STX18: variants seen among roughly 807,000 people sequenced by gnomAD.
The protein encoded by STX18 is syntaxin 18.
Under a neutral mutation model 50.1 loss-of-function variants are expected in STX18, and 40 were observed. The observed-to-expected ratio is 0.80, with a 90% CI of 0.62 to 1.04. The LOEUF (loss-of-function observed/expected upper bound fraction) is 1.04. Ranked by LOEUF, STX18 falls within the 50% of genes least tolerant of loss-of-function variation. The pLI is 0.00. For missense variants in STX18, 410 were observed against 415.8 expected, an observed-to-expected ratio of 0.99 and a Z score of 0.12; for synonymous variants, 158 against 151.8, an observed-to-expected ratio of 1.04 and a Z score of -0.30.
At chr4:4,446,145 C>G (rs755726224) in intron 5 of STX18, among the ~76,000 whole-genome samples, 9 of 132,246 alleles carry the variant, frequency 6.8e-5, no homozygotes, top group Non-Finnish European at 1.4e-4. Context: ...TAAACCTCAA[C>G]CCCAGTTATT....
intron 1 of STX18, among the ~76,000 whole-genome samples, chr4:4,500,502 C>A (rs1045136264): frequency 6.6e-6 from 1 of 152,134 alleles, no homozygotes; most frequent in Non-Finnish European, 1.5e-5. Flanking sequence ...AGGTTATACA[C>A]AAATACTGCA....
chr4:4,540,137 G>C (rs1434164435), intron 1 of STX18, among the ~76,000 whole-genome samples: 2 of 152,062 alleles, frequency 1.3e-5, no homozygotes, highest in Non-Finnish European at 2.9e-5. Flanking sequence ...GACCAAGGTA[G>C]TTTTTTAAAA....
intron 3 of STX18, among the ~76,000 whole-genome samples, 165 bp from the exon 4 acceptor site, chr4:4,457,665 A>G (rs372563411): frequency 2.6e-4 from 39 of 152,254 alleles, no homozygotes; most frequent in African/African-American, 8.9e-4. Context: ...AGTAAGATGT[A>G]TCAGGCTTCG....
intron 2 of STX18, among the ~76,000 whole-genome samples, chr4:4,462,849 T>G (rs1453514394): frequency 6.6e-6 from 1 of 152,180 alleles, no homozygotes. Context: ...AGTCCTAGCA[T>G]TTGCTGCCCT....
intron 1 of STX18, among the ~76,000 whole-genome samples, chr4:4,494,914 G>C (rs1223631133): frequency 2.0e-5 from 3 of 152,202 alleles, no homozygotes; most frequent in African/African-American, 4.8e-5. Flanking sequence ...CAGGAGAAGA[G>C]GGAAGATCTG....
At chr4:4,436,950 CTTTTTTTT>C (rs34174730) in intron 6 of STX18, among the ~76,000 whole-genome samples, 14 of 116,770 alleles carry the variant, frequency 1.2e-4, no homozygotes, top group South Asian at 2.6e-4. Context: ...TCCAGACTCA[CTTTTTTTT>C]TTTTTTTTTT....
intron 1 of STX18, chr4:4,507,193 C>G (rs1297565399): frequency 1.7e-6 from 1 of 586,226 alleles, no homozygotes; most frequent in Non-Finnish European, 3.3e-6. Flanking sequence ...TGATGCTCAG[C>G]AGCAGCTCTC....
chr4:4,501,227 A>C (rs578149468), intron 1 of STX18, among the ~76,000 whole-genome samples: 1 of 152,156 alleles, frequency 6.6e-6, no homozygotes, highest in African/African-American at 2.4e-5. Flanking sequence ...TTAACATAAC[A>C]GCTTTAAAAA....
At chr4:4,493,881 C>A (rs1244111523) in intron 1 of STX18, among the ~76,000 whole-genome samples, 2 of 152,200 alleles carry the variant, frequency 1.3e-5, no homozygotes, top group African/African-American at 4.8e-5. Flanking sequence ...ACAACAGCCT[C>A]ATTTTCATGG....
At chr4:4,517,009 T>G (rs570775635) in intron 1 of STX18, among the ~76,000 whole-genome samples, 1 of 152,244 alleles carries the variant, frequency 6.6e-6, no homozygotes, top group African/African-American at 2.4e-5. Flanking sequence ...GCATACTCAG[T>G]AGCATCGGTT....
chr4:4,423,222 C>A (rs1265543883), intron 9 of STX18, among the ~76,000 whole-genome samples: 1 of 152,246 alleles, frequency 6.6e-6, no homozygotes, highest in East Asian at 1.9e-4. Flanking sequence ...CCCAGCACAT[C>A]CAGAACCCTG....
intron 1 of STX18, among the ~76,000 whole-genome samples, chr4:4,494,847 A>G (rs376820893): frequency 2.0e-5 from 3 of 152,308 alleles, no homozygotes; most frequent in African/African-American, 7.2e-5. Context: ...GAAATCAAGG[A>G]AAGAAGAGAT....
intron 1 of STX18, among the ~76,000 whole-genome samples, chr4:4,524,497 A>T (rs7676206): frequency 0.011 from 1,670 of 152,346 alleles, 29 homozygotes; most frequent in African/African-American, 0.038. Flanking sequence ...AGCCAGTAAG[A>T]GAAAGTGAAA....
At chr4:4,530,424 T>C (rs765362334) in intron 1 of STX18, among the ~76,000 whole-genome samples, 3 of 151,570 alleles carry the variant, frequency 2.0e-5, no homozygotes, top group Non-Finnish European at 2.9e-5. Context: ...CATGACATAC[T>C]CTTCAGTATG....
chr4:4,467,412 C>T (rs183303295), intron 2 of STX18, among the ~76,000 whole-genome samples: 13 of 152,202 alleles, frequency 8.5e-5, no homozygotes, highest in Non-Finnish European at 1.2e-4. Context: ...AGATCTCGTT[C>T]GCTGTCATAA....
chr4:4,534,806 C>T (rs974834038), intron 1 of STX18, among the ~76,000 whole-genome samples: 7 of 152,270 alleles, frequency 4.6e-5, no homozygotes, highest in African/African-American at 1.7e-4. Context: ...TATCGCTCTG[C>T]TGCTACAGCA....
intron 1 of STX18, among the ~76,000 whole-genome samples, chr4:4,490,424 T>C (rs1728893579): frequency 6.6e-6 from 1 of 152,176 alleles, no homozygotes; most frequent in Non-Finnish European, 1.5e-5. Context: ...AACAATGAGA[T>C]TTAAAACAAA....
At chr4:4,441,498 T>C (rs891624230) in intron 5 of STX18, among the ~76,000 whole-genome samples, 1 of 152,180 alleles carries the variant, frequency 6.6e-6, no homozygotes, top group African/African-American at 2.4e-5. Flanking sequence ...GAGAAGATTC[T>C]ACTTGCAATA....
At chr4:4,483,689 T>A (rs1394578092) in intron 1 of STX18, among the ~76,000 whole-genome samples, 1 of 152,216 alleles carries the variant, frequency 6.6e-6, no homozygotes, top group Non-Finnish European at 1.5e-5. Context: ...AGAAGACACC[T>A]GCTTTGCCAA....
Sources: gnomAD v4.1 joint callset for allele counts (sites outside exome capture counted in the v4.1 genomes callset) on GRCh38, gnomAD v4.1.1 for gene constraint, MANE v1.5 for transcripts, NCBI Gene and HGNC (gene_info 2026-07-23, HGNC 2026-07-21) for gene names.